FHIT: variants seen among roughly 807,000 people sequenced by gnomAD.
FHIT encodes the protein fragile histidine triad diadenosine triphosphatase, also known as bis(5'-adenosyl)-triphosphatase.
In FHIT, 19 loss-of-function variants were observed where a neutral mutation model predicts 17.9. The observed-to-expected ratio is 1.06, with a 90% confidence interval of 0.74 to 1.56. The LOEUF (loss-of-function observed/expected upper bound fraction) is 1.56, where lower values mean the gene tolerates loss of function less well. Ranked by LOEUF, FHIT falls within the 40% of genes most tolerant of loss-of-function variation. The probability of loss-of-function intolerance (pLI) is 0.00; values close to 1 mark genes in which losing one functional copy is unlikely to be tolerated. For synonymous variants in FHIT, 81 were observed against 69.7 expected (o/e 1.16, Z -0.81); for missense variants, 248 against 189.2 (o/e 1.31, Z -1.82).
At chr3:60,630,315 G>A (rs1466595429) in intron 4 of FHIT, among the ~76,000 whole-genome samples, 2 of 152,222 alleles carry the variant, frequency 1.3e-5, no homozygotes, top group African/African-American at 2.4e-5. Context: ...CTACTGGACA[G>A]AAGGCAAATG....
intron 7 of FHIT, among the ~76,000 whole-genome samples, chr3:60,007,676 A>C (rs1305059052): frequency 6.6e-6 from 1 of 152,214 alleles, no homozygotes; most frequent in Non-Finnish European, 1.5e-5. Context: ...CTTTAGAAAT[A>C]AAGACCTAAA....
chr3:61,065,476 G>A (rs1035921277), intron 2 of FHIT, among the ~76,000 whole-genome samples: 1 of 152,104 alleles, frequency 6.6e-6, no homozygotes, highest in African/African-American at 2.4e-5. Context: ...GTGACCCTGA[G>A]ATCAAGAAGG....
chr3:61,074,958 C>A (rs2034925913), intron 2 of FHIT, among the ~76,000 whole-genome samples: 1 of 152,146 alleles, frequency 6.6e-6, no homozygotes. Context: ...ATACCAGACA[C>A]ATGGAAAAGC....
intron 2 of FHIT, among the ~76,000 whole-genome samples, chr3:61,097,401 T>C (rs1383112563): frequency 6.6e-6 from 1 of 152,222 alleles, no homozygotes; most frequent in East Asian, 1.9e-4. Context: ...ACTGCTGCAA[T>C]GAATATACAC....
chr3:61,240,106 T>C (rs1475856945), intron 1 of FHIT, among the ~76,000 whole-genome samples: 1 of 152,026 alleles, frequency 6.6e-6, no homozygotes, highest in Non-Finnish European at 1.5e-5. Context: ...AGCCTTAGTT[T>C]AGAGGAAGCT....
chr3:60,398,818 A>G (rs961538277), intron 5 of FHIT, among the ~76,000 whole-genome samples: 1 of 152,056 alleles, frequency 6.6e-6, no homozygotes, highest in Non-Finnish European at 1.5e-5. Context: ...ACATAGGTGG[A>G]AAAAAAATCT....
At chr3:60,992,844 G>A (rs2030354008) in intron 3 of FHIT, among the ~76,000 whole-genome samples, 1 of 146,074 alleles carries the variant, frequency 6.8e-6, no homozygotes, top group African/African-American at 2.4e-5. Context: ...AGGAGGCCGT[G>A]GAACAACTGA....
chr3:60,192,392 C>A (rs1232939849), intron 5 of FHIT, among the ~76,000 whole-genome samples: 3 of 151,574 alleles, frequency 2.0e-5, no homozygotes, highest in South Asian at 2.1e-4. Flanking sequence ...AATGCTGTGG[C>A]TGGAGACATG....
At chr3:60,440,093 G>A (rs543750984) in intron 5 of FHIT, among the ~76,000 whole-genome samples, 3 of 152,200 alleles carry the variant, frequency 2.0e-5, no homozygotes, top group South Asian at 4.1e-4. Flanking sequence ...ATGCACAACA[G>A]AGGTAGGCGC....
chr3:60,153,328 A>G (rs1388118046), intron 5 of FHIT, among the ~76,000 whole-genome samples: 1 of 145,586 alleles, frequency 6.9e-6, no homozygotes, highest in Admixed American at 7.0e-5. Flanking sequence ...AGATAAACCG[A>G]GTGAAAGAAA....
chr3:59,788,172 T>G (rs1699394014), intron 8 of FHIT, among the ~76,000 whole-genome samples: 1 of 152,128 alleles, frequency 6.6e-6, no homozygotes, highest in African/African-American at 2.4e-5. Flanking sequence ...CCCTCTCCCA[T>G]CATTTCTCCT....
At chr3:60,777,285 G>A (rs1044689879) in intron 4 of FHIT, among the ~76,000 whole-genome samples, 5 of 152,210 alleles carry the variant, frequency 3.3e-5, no homozygotes, top group Admixed American at 2.0e-4. Context: ...TTTTAGGAAA[G>A]CATGAGACTT....
At chr3:59,889,690 A>T (rs1028587369) in intron 8 of FHIT, among the ~76,000 whole-genome samples, 60 of 152,348 alleles carry the variant, frequency 3.9e-4, no homozygotes, top group African/African-American at 1.4e-3. Context: ...TTGCTAATAA[A>T]TGGTTTCTTT....
intron 3 of FHIT, among the ~76,000 whole-genome samples, chr3:60,848,410 A>G (rs1703011378): frequency 1.3e-5 from 2 of 152,146 alleles, no homozygotes; most frequent in South Asian, 2.1e-4. Context: ...CAGGTCTCAG[A>G]TCTCAGCTGT....
chr3:60,551,254 G>A (rs1038948660), intron 4 of FHIT, among the ~76,000 whole-genome samples: 1 of 151,168 alleles, frequency 6.6e-6, no homozygotes, highest in Non-Finnish European at 1.5e-5. Context: ...TGAGAAACTC[G>A]TGATAACAAA....
At chr3:61,224,456 G>A (rs943591595) in intron 1 of FHIT, among the ~76,000 whole-genome samples, 13 of 151,710 alleles carry the variant, frequency 8.6e-5, no homozygotes, top group East Asian at 1.9e-4. Context: ...CATTCTTATC[G>A]CCCAGGCTGG....
intron 5 of FHIT, among the ~76,000 whole-genome samples, chr3:60,027,474 C>A (rs1452857622): frequency 2.0e-5 from 3 of 152,104 alleles, no homozygotes; most frequent in Non-Finnish European, 4.4e-5. Flanking sequence ...ACCAACATCA[C>A]CATTGTCACT....
chr3:60,866,051 A>C (rs1190875715), intron 3 of FHIT, among the ~76,000 whole-genome samples: 2 of 152,206 alleles, frequency 1.3e-5, no homozygotes, highest in Non-Finnish European at 2.9e-5. Context: ...GCCCTGAATC[A>C]GAGATGCCTG....
intron 5 of FHIT, among the ~76,000 whole-genome samples, chr3:60,379,971 C>T (rs558130190): frequency 6.6e-6 from 1 of 152,252 alleles, no homozygotes; most frequent in Admixed American, 6.5e-5. Flanking sequence ...AAAACAACAG[C>T]ATCAATAATA....
Sources: allele counts gnomAD v4.1 joint callset (sites outside exome capture counted in the v4.1 genomes callset), GRCh38; gene constraint gnomAD v4.1.1; transcripts MANE v1.5; gene names NCBI Gene and HGNC (gene_info 2026-07-23, HGNC 2026-07-21).